Variants in CYB5R4 observed in about 807,000 individuals in gnomAD.
CYB5R4 encodes cytochrome b5 reductase 4.
Under a neutral mutation model 70.2 loss-of-function variants are expected in CYB5R4, and 55 were observed. That is an observed-to-expected ratio of 0.78 (90% CI 0.63 to 0.98). The LOEUF (loss-of-function observed/expected upper bound fraction) is 0.98. Among genes scored for constraint, CYB5R4 ranks in the 50% least tolerant of loss-of-function variants. The pLI, the probability that CYB5R4 is intolerant of heterozygous loss-of-function variation, is 0.00. For synonymous variants in CYB5R4, 197 were observed against 199.5 expected, an observed-to-expected ratio of 0.99 and a Z score of 0.11; for missense variants, 562 against 612.6, an observed-to-expected ratio of 0.92 and a Z score of 0.87.
rs557429758 is a variant in CYB5R4 at position 83,900,927 on chromosome 6, C to A, written c.330+7305C>A. Among the ~76,000 whole-genome samples, 137 of 152,094 alleles carry A rather than the reference C, an allele frequency of 9.0e-4. 2 individuals are homozygous for A. Among genetic ancestry groups the A allele is most frequent in the Admixed American group, 5.2e-4 (8 of 15,260 alleles). ...GGGTCTTGACTCTTTATCCAATTCG[C>A]TGTTTTGTGTCTTTTAATTGGAGCA... On this transcript the variant is annotated intron_variant, in intron 3 of 15. Coordinates refer to ENST00000369681, the MANE Select transcript of CYB5R4 (RefSeq NM_016230.4).
At chr6:83,942,568 G>GT (rs1190043030) in intron 14 of CYB5R4, among the ~76,000 whole-genome samples, 40 of 151,794 alleles carry the variant, frequency 2.6e-4, no homozygotes, top group Middle Eastern at 3.4e-3. Flanking sequence ...AGCTGCAGGA[G>GT]TTTTTTTTTG....
chr6:83,934,797 C>T (rs1037556695), intron 11 of CYB5R4, 62 bp downstream of exon 11: 5 of 1,392,602 alleles, frequency 3.6e-6, no homozygotes, highest in Non-Finnish European at 3.9e-6. Context: ...AAAATCAGTA[C>T]TATTCTCTCT....
chr6:83,891,382 A>T (rs143196080), intron 2 of CYB5R4, among the ~76,000 whole-genome samples: 318 of 152,354 alleles, frequency 2.1e-3, no homozygotes, highest in African/African-American at 7.1e-3. Flanking sequence ...AAGAAAAAGC[A>T]TAAAGTTTGT....
At chr6:83,873,808 T>C (rs1004590098) in intron 2 of CYB5R4, among the ~76,000 whole-genome samples, 1 of 151,870 alleles carries the variant, frequency 6.6e-6, no homozygotes, top group African/African-American at 2.4e-5. Context: ...GTCTGTTAGG[T>C]GTTGTTAAGG....
chr6:83,865,922 G>A (rs936805373), intron 2 of CYB5R4, among the ~76,000 whole-genome samples: 1 of 152,198 alleles, frequency 6.6e-6, no homozygotes, highest in Admixed American at 6.5e-5. Context: ...TGAGGATTCT[G>A]GCAGGTGCAA....
At chr6:83,873,553 A>G (rs963619423) in intron 2 of CYB5R4, among the ~76,000 whole-genome samples, 4 of 152,096 alleles carry the variant, frequency 2.6e-5, no homozygotes, top group Non-Finnish European at 5.9e-5. Context: ...TTTTATCTTT[A>G]GTAATTTGAT....
intron 3 of CYB5R4, among the ~76,000 whole-genome samples, chr6:83,900,340 T>A (rs1240089262): frequency 6.6e-6 from 1 of 152,184 alleles, no homozygotes; most frequent in Non-Finnish European, 1.5e-5. Context: ...GACAGTTTGT[T>A]ATAATTTCTG....
At chr6:83,882,783 C>G (rs1176621978) in intron 2 of CYB5R4, among the ~76,000 whole-genome samples, 1 of 152,106 alleles carries the variant, frequency 6.6e-6, no homozygotes, top group Non-Finnish European at 1.5e-5. Flanking sequence ...ATCAGGAGAT[C>G]AAGACCATCC....
chr6:83,955,160 CA>C (rs1269224456), intron 14 of CYB5R4, 137 bp from the exon 15 acceptor site: 2 of 627,974 alleles, frequency 3.2e-6, no homozygotes, highest in Non-Finnish European at 5.0e-6. Flanking sequence ...CAATTTTTTT[CA>C]GTGTTTTTCT....
At chr6:83,872,455 G>A (rs2099457783) in intron 2 of CYB5R4, among the ~76,000 whole-genome samples, 1 of 152,114 alleles carries the variant, frequency 6.6e-6, no homozygotes, top group Non-Finnish European at 1.5e-5. Context: ...ATCTATTAGT[G>A]GGGAGTCATA....
intron 2 of CYB5R4, among the ~76,000 whole-genome samples, chr6:83,865,192 T>C (rs771977312): frequency 2.0e-5 from 3 of 152,208 alleles, no homozygotes; most frequent in African/African-American, 4.8e-5. Context: ...ATAGAGGCCA[T>C]TGACTTGTAT....
chr6:83,909,225 C>G, intron 4 of CYB5R4, 135 bp downstream of exon 4: 1 of 561,150 alleles, frequency 1.8e-6, no homozygotes, highest in East Asian at 2.8e-5. Flanking sequence ...TCTAGCCACT[C>G]CAGAGGTTTT....
intron 2 of CYB5R4, among the ~76,000 whole-genome samples, chr6:83,887,092 G>A (rs1290590927): frequency 6.6e-6 from 1 of 152,142 alleles, no homozygotes; most frequent in Non-Finnish European, 1.5e-5. Flanking sequence ...ACTATAGGCA[G>A]TGTCTTTCAA....
chr6:83,944,428 G>A (rs1460460723), intron 14 of CYB5R4, among the ~76,000 whole-genome samples: 2 of 152,148 alleles, frequency 1.3e-5, no homozygotes, highest in Non-Finnish European at 2.9e-5. Context: ...AAGAGTTCCT[G>A]AAGGAAGTAC....
intron 3 of CYB5R4, among the ~76,000 whole-genome samples, chr6:83,901,909 A>G (rs2099463036): frequency 6.6e-6 from 1 of 151,556 alleles, no homozygotes; most frequent in Non-Finnish European, 1.5e-5. Flanking sequence ...GGTTCCTTAT[A>G]TATTCTGGAT....
intron 10 of CYB5R4, among the ~76,000 whole-genome samples, chr6:83,928,973 T>A (rs1025560374): frequency 6.6e-6 from 1 of 152,184 alleles, no homozygotes; most frequent in Non-Finnish European, 1.5e-5. Context: ...TTTCCTTGAA[T>A]CCTGAAACAC....
chr6:83,905,781 T>C (rs189254428), intron 3 of CYB5R4, among the ~76,000 whole-genome samples: 319 of 152,046 alleles, frequency 2.1e-3, no homozygotes, highest in African/African-American at 7.1e-3. Flanking sequence ...GCATGGGTGG[T>C]GACGGTGGCA....
At chr6:83,924,405 T>A (rs1380997478) in intron 9 of CYB5R4, 65 bp from the exon 10 acceptor site, 27 of 1,521,336 alleles carry the variant, frequency 1.8e-5, no homozygotes, top group Non-Finnish European at 1.2e-5. Context: ...TGAGAAATAC[T>A]GGTTTTAAAA....
intron 14 of CYB5R4, among the ~76,000 whole-genome samples, chr6:83,944,017 A>G (rs1027290077): frequency 3.3e-5 from 5 of 152,216 alleles, no homozygotes; most frequent in African/African-American, 1.2e-4. Flanking sequence ...ACACTTCCGG[A>G]TACTATCCAA....
Sources: allele counts gnomAD v4.1 joint callset (sites outside exome capture counted in the v4.1 genomes callset), GRCh38; gene constraint gnomAD v4.1.1; transcripts MANE v1.5; gene names NCBI Gene and HGNC (gene_info 2026-07-23, HGNC 2026-07-21).